Variants in ADARB2 observed in about 807,000 individuals in gnomAD.
ADARB2 encodes inactive double-stranded RNA-specific editase B2.
In ADARB2, 25 loss-of-function variants were observed where a neutral mutation model predicts 62.2. The observed-to-expected ratio is 0.40, with a 90% CI of 0.29 to 0.56. ADARB2 has a LOEUF of 0.56. ADARB2 is among the 20% of genes least tolerant of loss of function. ADARB2 has a pLI of 0.43. For synonymous variants in ADARB2, 572 were observed against 500.8 expected (o/e 1.14, Z -1.90); for missense variants, 1,071 against 1,077.4 (o/e 0.99, Z 0.08).
intron 1 of ADARB2, among the ~76,000 whole-genome samples, chr10:1,631,781 A>AT (rs1006114808): frequency 2.6e-5 from 4 of 152,194 alleles, no homozygotes; most frequent in African/African-American, 9.7e-5. Flanking sequence ...GAAAATATGT[A>AT]TTTTTTAAAT....
At chr10:1,184,819 C>G (rs1836728469) in intron 9 of ADARB2, 42 bp downstream of exon 9, 1 of 1,591,148 alleles carries the variant, frequency 6.3e-7, no homozygotes, top group African/African-American at 1.3e-5. Flanking sequence ...GAGCCAGGGT[C>G]TGGCTGGGTC....
intron 3 of ADARB2, among the ~76,000 whole-genome samples, chr10:1,353,782 C>T (rs2131845510): frequency 6.6e-6 from 1 of 152,272 alleles, no homozygotes; most frequent in East Asian, 1.9e-4. Context: ...CCTTCCAGTT[C>T]CGTATAACAG....
intron 1 of ADARB2, among the ~76,000 whole-genome samples, chr10:1,533,536 G>A (rs538205051): frequency 1.3e-5 from 2 of 152,218 alleles, no homozygotes; most frequent in South Asian, 2.1e-4. Context: ...AGCACTGTGG[G>A]GCTGTTTAGG....
At chr10:1,248,464 C>T (rs1282933680) in intron 4 of ADARB2, among the ~76,000 whole-genome samples, 15 of 152,338 alleles carry the variant, frequency 9.8e-5, no homozygotes, top group African/African-American at 3.6e-4. Flanking sequence ...CAAGGGCGTG[C>T]GACGTGTCAG....
At chr10:1,493,792 T>G (rs1831652677) in intron 1 of ADARB2, among the ~76,000 whole-genome samples, 1 of 127,818 alleles carries the variant, frequency 7.8e-6, no homozygotes, top group African/African-American at 2.9e-5. Context: ...AGGGTCTCGC[T>G]CTTTCACCCA....
chr10:1,272,085 A>G (rs1423379368), intron 3 of ADARB2, among the ~76,000 whole-genome samples: 1 of 152,182 alleles, frequency 6.6e-6, no homozygotes, highest in Non-Finnish European at 1.5e-5. Flanking sequence ...GGCTGTGACT[A>G]TTACTCTTAT....
At chr10:1,453,731 C>G (rs543196147) in intron 1 of ADARB2, among the ~76,000 whole-genome samples, 1 of 152,116 alleles carries the variant, frequency 6.6e-6, no homozygotes, top group Admixed American at 6.5e-5. Context: ...AAACAAACAG[C>G]CAGTACGCAC....
intron 2 of ADARB2, among the ~76,000 whole-genome samples, chr10:1,373,820 A>G (rs4880841): frequency 0.41 from 14,190 of 34,948 alleles, 2,073 homozygotes; most frequent in South Asian, 0.58. Context: ...GACCGCGTGG[A>G]CTCCGCGCAC....
chr10:1,396,899 G>T (rs71199938), intron 1 of ADARB2, among the ~76,000 whole-genome samples: 2,452 of 73,542 alleles, frequency 0.033, 223 homozygotes, highest in Middle Eastern at 0.069. Flanking sequence ...GTCACCGTCC[G>T]TCTCTCCCCT....
At chr10:1,422,339 G>A (rs1832859052) in intron 1 of ADARB2, among the ~76,000 whole-genome samples, 1 of 152,204 alleles carries the variant, frequency 6.6e-6, no homozygotes, top group South Asian at 2.1e-4. Flanking sequence ...ACAGCTGTCC[G>A]AGGGTGGAAT....
At position 1,400,189 on chromosome 10, in the gene ADARB2, GTCCTGCGTCTGTCTC is replaced by G. The variant is rs529040580; in HGVS notation, c.101-21044_101-21030del. On this transcript the variant is annotated intron_variant, in intron 1 of 9. Coordinates refer to ENST00000381312, the MANE Select transcript of ADARB2 (RefSeq NM_018702.4). ...CCACGTGGAGCCAGCACCTGCAGCT[GTCCTGCGTCTGTCTC>G]TCCTGCGTGGGTCGGCAGAGCAGCG... is the stretch of plus-strand genomic sequence containing the variant. Among the ~76,000 whole-genome samples the G allele has an allele frequency of 4.6e-4, 70 of 152,358 alleles. No homozygotes were observed. The South Asian group carries it at 9.9e-3, about 22-fold the overall frequency.
intron 1 of ADARB2, among the ~76,000 whole-genome samples, chr10:1,417,950 G>A (rs1252963036): frequency 6.6e-6 from 1 of 152,254 alleles, no homozygotes; most frequent in Non-Finnish European, 1.5e-5. Context: ...CTGCATATTT[G>A]TTTACAGATC....
At chr10:1,584,871 G>A (rs1029341571) in intron 1 of ADARB2, among the ~76,000 whole-genome samples, 18 of 152,188 alleles carry the variant, frequency 1.2e-4, no homozygotes, top group African/African-American at 4.3e-4. Context: ...CATCCTGTAG[G>A]AGTCCATCTC....
At chr10:1,390,874 A>C (rs1832564000) in intron 1 of ADARB2, among the ~76,000 whole-genome samples, 1 of 152,230 alleles carries the variant, frequency 6.6e-6, no homozygotes, top group Non-Finnish European at 1.5e-5. Flanking sequence ...CTCAGGCCTG[A>C]AGGAAATAAT....
At chr10:1,209,503 C>G (rs1837117809) in intron 7 of ADARB2, among the ~76,000 whole-genome samples, 1 of 122,150 alleles carries the variant, frequency 8.2e-6, no homozygotes, top group Admixed American at 9.6e-5. Flanking sequence ...TCGCCCATGC[C>G]TACACTGTCA....
chr10:1,342,755 A>G (rs927182284), intron 3 of ADARB2, among the ~76,000 whole-genome samples: 2 of 152,206 alleles, frequency 1.3e-5, no homozygotes, highest in Admixed American at 6.5e-5. Context: ...ATGGGGTGAC[A>G]AGCTGATTAG....
chr10:1,278,558 C>T (rs1831341474), intron 3 of ADARB2, among the ~76,000 whole-genome samples: 1 of 151,510 alleles, frequency 6.6e-6, no homozygotes, highest in African/African-American at 2.4e-5. Context: ...AGGATGACGG[C>T]CTCCAGCTGC....
chr10:1,527,054 C>A (rs558196366), intron 1 of ADARB2, among the ~76,000 whole-genome samples: 1 of 152,352 alleles, frequency 6.6e-6, no homozygotes, highest in Admixed American at 6.5e-5. Context: ...ATGATATTAA[C>A]CAAGTGACCA....
At chr10:1,666,264 G>GA (rs1335522809) in intron 1 of ADARB2, among the ~76,000 whole-genome samples, 6 of 152,212 alleles carry the variant, frequency 3.9e-5, no homozygotes, top group Admixed American at 3.9e-4. Context: ...GCACAGCCCC[G>GA]AGGGTCGGCA....
Sources: gnomAD v4.1 joint callset for allele counts (sites outside exome capture counted in the v4.1 genomes callset) on GRCh38, gnomAD v4.1.1 for gene constraint, MANE v1.5 for transcripts, NCBI Gene and HGNC (gene_info 2026-07-23, HGNC 2026-07-21) for gene names.